SOCS2: variants seen among roughly 807,000 people sequenced by gnomAD.
SOCS2 encodes CIS-2.
Under a neutral mutation model 18.6 loss-of-function variants are expected in SOCS2, and 10 were observed. That is an observed-to-expected ratio of 0.54 (90% confidence interval 0.33 to 0.91). SOCS2 has a LOEUF of 0.91. Ranked by LOEUF, SOCS2 falls within the 40% of genes least tolerant of loss-of-function variation. The pLI is 0.02. For synonymous variants in SOCS2, 104 were observed against 104.0 expected (o/e 1.00, Z 0.00); for missense variants, 231 against 247.2 (o/e 0.93, Z 0.44).
At chr12:93,610,614 A>G in the SOCS2 span, among the ~76,000 whole-genome samples, 5 of 152,230 alleles carry the variant, frequency 3.3e-5, no homozygotes, top group African/African-American at 1.2e-4. Context: ...TGGGCACTCC[A>G]GTTCATGAAT....
Position 93,572,897 on chromosome 12 carries a change from C to A in SOCS2, c.-1C>A, listed in dbSNP as rs1199163093. ...GTCTTTGCCGCGGTGACCCTTCTCT[C>A]ATGACCCTGCGGTGCCTTGAGCCCT... On this transcript the variant is annotated 5_prime_UTR_variant, in exon 1 of 2. Coordinates refer to ENST00000551556, the MANE Select transcript of SOCS2 (RefSeq NM_001270471.2). This position sits in a 1 kb window ranked among gnomAD's most constrained non-coding sequence, Gnocchi z 5.0. The A allele has an allele frequency of 6.4e-7, 1 of 1,574,496 alleles. No homozygotes were observed. Among genetic ancestry groups the A allele is most frequent in the Non-Finnish European group, 8.6e-7 (1 of 1,159,396 alleles).
At chr12:93,619,634 A>G in the SOCS2 span, among the ~76,000 whole-genome samples, 3 of 152,214 alleles carry the variant, frequency 2.0e-5, no homozygotes, top group Admixed American at 2.0e-4. Context: ...CTGTCCCTGT[A>G]TATGGCTGAT....
At chr12:93,585,839 A>C (rs1954581708), downstream of SOCS2, among the ~76,000 whole-genome samples, 1 of 152,146 alleles carries the variant, frequency 6.6e-6, no homozygotes, top group African/African-American at 2.4e-5. Context: ...AGCCCTGCCA[A>C]GGATACCAAA....
At chr12:93,592,378 T>G in the SOCS2 span, among the ~76,000 whole-genome samples, 1 of 152,220 alleles carries the variant, frequency 6.6e-6, no homozygotes, top group African/African-American at 2.4e-5. Flanking sequence ...ACTGATTGAA[T>G]CAGTCTCCTG....
upstream of SOCS2, chr12:93,570,478 T>C (rs576775603): frequency 6.6e-6 from 1 of 152,494 alleles, no homozygotes; most frequent in East Asian, 1.9e-4. Context: ...TCGATGTGTC[T>C]TAGAGCCGGA....
At chr12:93,602,489 G>C in the SOCS2 span, among the ~76,000 whole-genome samples, 2 of 152,062 alleles carry the variant, frequency 1.3e-5, no homozygotes. Flanking sequence ...ACAACATATC[G>C]GCATGAGAAT....
chr12:93,583,789 T>A (rs559141244), downstream of SOCS2, among the ~76,000 whole-genome samples: 3 of 152,348 alleles, frequency 2.0e-5, no homozygotes, highest in East Asian at 5.8e-4. Flanking sequence ...TAATGCCAGG[T>A]GTTGCATTTG....
At chr12:93,601,676 C>T in the SOCS2 span, among the ~76,000 whole-genome samples, 3 of 152,134 alleles carry the variant, frequency 2.0e-5, no homozygotes, top group East Asian at 3.9e-4. Flanking sequence ...TCTCAAAGAA[C>T]GAGCATTTAG....
At chr12:93,579,559 G>A (rs1954510295), downstream of SOCS2, among the ~76,000 whole-genome samples, 5 of 152,138 alleles carry the variant, frequency 3.3e-5, no homozygotes, top group South Asian at 1.0e-3. Flanking sequence ...CTTTGCTTCT[G>A]CTGCTGTATG....
chr12:93,621,763 T>C, the SOCS2 span, among the ~76,000 whole-genome samples: 5 of 152,292 alleles, frequency 3.3e-5, no homozygotes, highest in East Asian at 9.7e-4. Context: ...GCTAGGACTA[T>C]AAGCATGAGC....
upstream of SOCS2, chr12:93,572,634 G>C: frequency 1.1e-5 from 7 of 630,414 alleles, no homozygotes; most frequent in East Asian, 3.2e-5. The surrounding 1 kb of genome is among the most constrained non-coding windows in gnomAD (Gnocchi z 5.0). Context: ...CCCCACCCCA[G>C]CCGCAGGGGT....
At chr12:93,596,517 T>C in the SOCS2 span, among the ~76,000 whole-genome samples, 1 of 152,092 alleles carries the variant, frequency 6.6e-6, no homozygotes, top group Non-Finnish European at 1.5e-5. Context: ...ATGCATTTGA[T>C]CTCTTGAATG....
chr12:93,623,941 G>T, the SOCS2 span, among the ~76,000 whole-genome samples: 1 of 152,092 alleles, frequency 6.6e-6, no homozygotes, highest in Non-Finnish European at 1.5e-5. Flanking sequence ...CTGACCTCAG[G>T]TGATCACCCA....
chr12:93,586,890 G>A (rs76887083), downstream of SOCS2, among the ~76,000 whole-genome samples: 277 of 152,232 alleles, frequency 1.8e-3, 1 homozygote, highest in African/African-American at 6.2e-3. Flanking sequence ...GTCCCTGGCC[G>A]GGCACAGTGG....
chr12:93,623,261 T>C, the SOCS2 span, among the ~76,000 whole-genome samples: 1 of 152,164 alleles, frequency 6.6e-6, no homozygotes, highest in East Asian at 1.9e-4. Context: ...TTTCTCCTGC[T>C]GCCATGTAAG....
upstream of SOCS2, chr12:93,570,740 G>T (rs995828686): frequency 6.6e-6 from 1 of 152,334 alleles, no homozygotes; most frequent in Non-Finnish European, 1.5e-5. Flanking sequence ...GCTTGCGCCC[G>T]AGCACCCCGG....
chr12:93,609,966 G>A, the SOCS2 span, among the ~76,000 whole-genome samples: 67 of 152,306 alleles, frequency 4.4e-4, no homozygotes, highest in Non-Finnish European at 8.4e-4. Flanking sequence ...AAAGCAAGAA[G>A]GGGCTGAAGT....
At chr12:93,603,802 G>A in the SOCS2 span, among the ~76,000 whole-genome samples, 1 of 152,152 alleles carries the variant, frequency 6.6e-6, no homozygotes, top group African/African-American at 2.4e-5. Context: ...ATCAGAGTAT[G>A]AGCAAGCTCC....
chr12:93,572,000 G>T, upstream of SOCS2: 1 of 238,086 alleles, frequency 4.2e-6, no homozygotes, highest in Non-Finnish European at 8.5e-6. Context: ...AGCCCCGCGA[G>T]GGCTGCGCGC....
Sources: gnomAD v4.1 joint callset for allele counts (sites outside exome capture counted in the v4.1 genomes callset) on GRCh38, gnomAD v4.1.1 for gene constraint, Gnocchi (gnomAD v3.1) non-coding constraint, MANE v1.5 for transcripts, NCBI Gene and HGNC (gene_info 2026-07-23, HGNC 2026-07-21) for gene names.